Variants in TNFRSF19 observed in about 807,000 individuals in gnomAD.
TNFRSF19 encodes tumor necrosis factor receptor superfamily member 19.
In TNFRSF19, 27 loss-of-function variants were observed where a neutral mutation model predicts 46.4. The ratio of observed to expected loss-of-function variants is 0.58; its 90% CI spans 0.43 to 0.80. The LOEUF (loss-of-function observed/expected upper bound fraction) is 0.80. Ranked by LOEUF, TNFRSF19 falls within the 30% of genes least tolerant of loss-of-function variation. The pLI is 0.00. For synonymous variants in TNFRSF19, 204 were observed against 205.0 expected (o/e 1.00, Z 0.04); for missense variants, 511 against 530.8 (o/e 0.96, Z 0.37).
chr13:23,573,483 C>CCCTG (rs1555268592), intron 1 of TNFRSF19, among the ~76,000 whole-genome samples: 1 of 146,684 alleles, frequency 6.8e-6, no homozygotes, highest in Non-Finnish European at 1.5e-5. Flanking sequence ...GTGTGTTTGC[C>CCCTG]TCTGTGTGTG....
intron 4 of TNFRSF19, among the ~76,000 whole-genome samples, chr13:23,621,986 G>T (rs559641213): frequency 6.6e-6 from 1 of 151,762 alleles, no homozygotes; most frequent in Non-Finnish European, 1.5e-5. Context: ...AAGCAGACCA[G>T]ATACTGTTGA....
In TNFRSF19 at chr13:23,667,994, C is replaced by T. The variant is rs1377116063; in HGVS notation, c.751C>T (p.Leu251Phe). 8.1e-6 allele frequency: 13 copies of T among 1,608,248 alleles called. 1 individual carries two copies. Among genetic ancestry groups the T allele is most frequent in the Middle Eastern group, 3.3e-4 (2 of 6,048 alleles). Residue 251 changes from leucine (L) to phenylalanine (F), a missense_variant, in exon 8 of 10, where the codon CTC becomes TTC. Leu to Phe is a conservative substitution (Grantham distance 22, BLOSUM62 0). Transcript: ENST00000248484. Reference protein sequence around the residue: ...SVQTCGPVRLLPSMCCEEACS... With the variant: ...SVQTCGPVRLFPSMCCEEACS... ...GTCTTCCCTAGGGCCGGTGCGCTTG[C>T]TCCCATCCATGTGCTGTGAGGAGGC...
intron 2 of TNFRSF19, among the ~76,000 whole-genome samples, chr13:23,592,798 G>A (rs546955886): frequency 1.1e-4 from 16 of 152,298 alleles, no homozygotes; most frequent in Non-Finnish European, 2.2e-4. Flanking sequence ...AAACCGCATG[G>A]CAGATAAGTC....
chr13:23,659,080 C>T lies in TNFRSF19; in HGVS notation c.476C>T (p.Ala159Val), dbSNP rs61756242. 36,401 of 1,613,920 alleles carry T rather than the reference C, an allele frequency of 0.023. 506 individuals are homozygous for T. Among genetic ancestry groups the T allele is most frequent in the Non-Finnish European group, 0.027 (32,154 of 1,180,030 alleles). Residue 159 changes from alanine to valine, a missense_variant, in exon 6 of 10, where the codon GCG (alanine) becomes GTG (valine). Coordinates refer to ENST00000248484, the MANE Select transcript of TNFRSF19 (RefSeq NM_148957.4). The surrounding 1 kb of genome is among the most constrained non-coding windows in gnomAD (Gnocchi z 4.9). Reference protein sequence around the residue: ...CASKVNLVKIASTASSPRDTA... With the variant: ...CASKVNLVKIVSTASSPRDTA... ...AGCAAGGTCAACCTCGTGAAGATCG[C>T]GTCCACGGCCTCCAGCCCACGGGAC...
At chr13:23,643,306 A>G (rs985271568) in intron 5 of TNFRSF19, among the ~76,000 whole-genome samples, 1 of 152,266 alleles carries the variant, frequency 6.6e-6, no homozygotes, top group South Asian at 2.1e-4. Flanking sequence ...TTTTGATGAA[A>G]GCTCTTGTGA....
At chr13:23,628,219 T>C (rs1329344218) in intron 5 of TNFRSF19, among the ~76,000 whole-genome samples, 4 of 152,214 alleles carry the variant, frequency 2.6e-5, no homozygotes, top group Non-Finnish European at 1.5e-5. Flanking sequence ...ACGTACTGTC[T>C]CCCTAAGCTC....
At chr13:23,666,593 C>A (rs1951637530) in intron 7 of TNFRSF19, among the ~76,000 whole-genome samples, 1 of 152,198 alleles carries the variant, frequency 6.6e-6, no homozygotes, top group Non-Finnish European at 1.5e-5. Context: ...CACTTTCTTA[C>A]TTTCTGCCAC....
intron 1 of TNFRSF19, among the ~76,000 whole-genome samples, chr13:23,578,236 G>A (rs1464527278): frequency 6.6e-6 from 1 of 152,114 alleles, no homozygotes; most frequent in East Asian, 1.9e-4. Context: ...GATGGGACAG[G>A]GAAGCACACA....
intron 3 of TNFRSF19, among the ~76,000 whole-genome samples, chr13:23,614,831 G>A (rs1030543206): frequency 6.7e-6 from 1 of 150,282 alleles, no homozygotes; most frequent in Non-Finnish European, 1.5e-5. Context: ...AGACGATGTA[G>A]GTTGAAATCC....
At chr13:23,651,888 C>A (rs955575085) in intron 5 of TNFRSF19, among the ~76,000 whole-genome samples, 216 of 4,584 alleles carry the variant, frequency 0.047, no homozygotes, top group Non-Finnish European at 0.064. Context: ...AAGAACATAA[C>A]ATGCTAAAAA....
chr13:23,605,735 C>A (rs1880466834), intron 3 of TNFRSF19, among the ~76,000 whole-genome samples: 1 of 152,122 alleles, frequency 6.6e-6, no homozygotes, highest in Non-Finnish European at 1.5e-5. Flanking sequence ...ATGATTCCAA[C>A]TATACGACAT....
At chr13:23,607,634 G>T (rs571698966) in intron 3 of TNFRSF19, among the ~76,000 whole-genome samples, 82 of 151,978 alleles carry the variant, frequency 5.4e-4, no homozygotes, top group African/African-American at 1.7e-3. Context: ...TACAACAAAA[G>T]ATTTTTTTAT....
intron 7 of TNFRSF19, among the ~76,000 whole-genome samples, chr13:23,666,224 T>C (rs1240749220): frequency 6.6e-6 from 1 of 152,188 alleles, no homozygotes; most frequent in Non-Finnish European, 1.5e-5. Flanking sequence ...AAATATCCTA[T>C]AGGGGATACT....
At chr13:23,646,473 A>G (rs1642032799) in intron 5 of TNFRSF19, among the ~76,000 whole-genome samples, 1 of 152,114 alleles carries the variant, frequency 6.6e-6, no homozygotes, top group Non-Finnish European at 1.5e-5. Context: ...GTAATTTATA[A>G]TCTACTTTCT....
chr13:23,593,914 T>C (rs753773110), intron 3 of TNFRSF19, among the ~76,000 whole-genome samples: 1 of 151,980 alleles, frequency 6.6e-6, no homozygotes, highest in Non-Finnish European at 1.5e-5. Context: ...GCTCATCTCA[T>C]TGGGACTGGT....
chr13:23,580,443 G>A (rs1878329901), intron 1 of TNFRSF19, among the ~76,000 whole-genome samples: 1 of 152,208 alleles, frequency 6.6e-6, no homozygotes, highest in Non-Finnish European at 1.5e-5. Flanking sequence ...AACAGTTATT[G>A]TTAAACATAC....
intron 5 of TNFRSF19, among the ~76,000 whole-genome samples, chr13:23,648,939 G>A (rs991802731): frequency 6.6e-6 from 1 of 152,112 alleles, no homozygotes; most frequent in African/African-American, 2.4e-5. Context: ...CTTGGTCGTG[G>A]TGTATAATCT....
At position 23,668,989 on chromosome 13, in the gene TNFRSF19, C is replaced by T; in HGVS notation, c.1137C>T (p.Asn379=). ...CAGCTACTGATTTATCTAGATATAA[C>T]AACACACTGGTAGAATCAGCATCAA... is the stretch of plus-strand genomic sequence containing the variant. ...FTAATDLSRY[N]NTLVESASTQ... Residue 379 remains asparagine (N), a synonymous_variant, in exon 9 of 10, where the codon AAC becomes AAT. Coordinates refer to ENST00000248484, the MANE Select transcript of TNFRSF19 (RefSeq NM_148957.4). The T allele has an allele frequency of 6.2e-7, 1 of 1,614,230 alleles. No individual in the cohort carries two copies.
chr13:23,656,590 C>T (rs547726700), intron 5 of TNFRSF19, among the ~76,000 whole-genome samples: 2 of 152,274 alleles, frequency 1.3e-5, no homozygotes, highest in African/African-American at 2.4e-5. Flanking sequence ...CTTTGAAGTC[C>T]TCCACTCAAA....
Sources: gnomAD v4.1 joint callset for allele counts (sites outside exome capture counted in the v4.1 genomes callset) on GRCh38, gnomAD v4.1.1 for gene constraint, Gnocchi (gnomAD v3.1) non-coding constraint, MANE v1.5 for transcripts, NCBI Gene and HGNC (gene_info 2026-07-23, HGNC 2026-07-21) for gene names.